CNN3: variants seen among roughly 807,000 people sequenced by gnomAD.
The protein encoded by CNN3 is calponin 3.
CNN3 carries 11 observed loss-of-function variants against 39.0 expected under a neutral mutation model. That is an observed-to-expected ratio of 0.28 (90% CI 0.18 to 0.47). CNN3 has a LOEUF of 0.47. Among genes scored for constraint, CNN3 ranks in the 20% least tolerant of loss-of-function variants. The pLI is 0.99. For synonymous variants in CNN3, 101 were observed against 138.3 expected (o/e 0.73, Z 1.89); for missense variants, 266 against 403.4 (o/e 0.66, Z 2.92).
intron 1 of CNN3, among the ~76,000 whole-genome samples, chr1:94,924,708 C>T (rs1254767948): frequency 6.6e-6 from 1 of 152,214 alleles, no homozygotes; most frequent in African/African-American, 2.4e-5. Context: ...TCAACTAAGA[C>T]ATCGCTTTTA....
At chr1:94,900,049 G>A (rs950792394) in intron 5 of CNN3, among the ~76,000 whole-genome samples, 29 of 152,180 alleles carry the variant, frequency 1.9e-4, no homozygotes, top group African/African-American at 7.0e-4. Flanking sequence ...CTTGGACAGA[G>A]CTGGAGAAAG....
chr1:94,921,343 C>T (rs555778234), intron 1 of CNN3, among the ~76,000 whole-genome samples: 3 of 151,982 alleles, frequency 2.0e-5, no homozygotes, highest in African/African-American at 4.8e-5. Flanking sequence ...TGCAGTGAGC[C>T]GAGATCGTAC....
At chr1:94,910,386 T>C (rs1557911984) in intron 1 of CNN3, among the ~76,000 whole-genome samples, 1 of 152,128 alleles carries the variant, frequency 6.6e-6, no homozygotes, top group East Asian at 1.9e-4. Context: ...CAAAAATATA[T>C]ATAAAATAGG....
At chr1:94,901,552 A>T in intron 5 of CNN3, 117 bp downstream of exon 5, 1 of 591,546 alleles carries the variant, frequency 1.7e-6, no homozygotes, top group Non-Finnish European at 2.9e-6. Context: ...TATAAACTAC[A>T]CCCCCCCCCC....
Position 94,901,662 on chromosome 1 carries a change from T to C in CNN3, c.501+7A>G, listed in dbSNP as rs932068122. 8 of 1,590,930 alleles carry C rather than the reference T, an allele frequency of 5.0e-6. No homozygotes were observed. In the Admixed American group the frequency reaches 6.7e-5, roughly 13 times the overall value. ...AGTAATTGAATAAGCAACACCACAT[T>C]ACTTACCTGCAGACCAATTACACTT... On this transcript the variant is annotated splice_region_variant and intron_variant, in intron 5 of 6. Coordinates refer to ENST00000370206, the MANE Select transcript of CNN3 (RefSeq NM_001839.5).
rs781166690 is a variant in CNN3 at position 94,903,291 on chromosome 1, G to T, written c.180-103C>A. On this transcript the variant is annotated intron_variant, in intron 2 of 6. Transcript: ENST00000370206. ...AGCATCAGTAAGGGAAAGCATTAAAGATATCTGTAGAATATCAAGGTCTGA... is the reference window on the plus strand; with the variant it reads ...AGCATCAGTAAGGGAAAGCATTAAATATATCTGTAGAATATCAAGGTCTGA... The T allele has an allele frequency of 9.0e-6, 14 of 1,548,724 alleles. No individual in the cohort carries two copies. In the Admixed American group the frequency reaches 9.5e-5, roughly 10 times the overall value.
intron 1 of CNN3, among the ~76,000 whole-genome samples, chr1:94,925,998 A>AC (rs1184488238): frequency 6.6e-6 from 1 of 151,864 alleles, no homozygotes; most frequent in East Asian, 1.9e-4. Flanking sequence ...GATAAACCTA[A>AC]CGCATTCTTG....
chr1:94,902,648 G>C (rs1326438520), intron 3 of CNN3, among the ~76,000 whole-genome samples: 2 of 152,080 alleles, frequency 1.3e-5, no homozygotes, highest in Non-Finnish European at 2.9e-5. Flanking sequence ...ATACATTTGT[G>C]GTTACTAAAT....
chr1:94,904,220 G>A lies in CNN3; in HGVS notation c.58-696C>T, dbSNP rs142873453. On this transcript the variant is annotated intron_variant, in intron 1 of 6. Coordinates refer to ENST00000370206, the MANE Select transcript of CNN3 (RefSeq NM_001839.5). ...TAAAAGAAAGTTTAACTTTTTACTT[G>A]CAGAATTCAAAAATAAAGGCCAACT... Among the ~76,000 whole-genome samples, 671 of 152,140 alleles carry A rather than the reference G, an allele frequency of 4.4e-3. 6 individuals are homozygous for A. The highest frequency in any genetic ancestry group is 0.015 in the African/African-American group (633 of 41,490).
In CNN3 at chr1:94,897,517, C is replaced by T. The variant is rs551288924; in HGVS notation, c.*225G>A. 835 of 479,756 alleles carry T rather than the reference C, an allele frequency of 1.7e-3. 2 individuals carry two copies. The highest frequency in any genetic ancestry group is 2.7e-3 in the Non-Finnish European group (727 of 270,232). 29.7% of individuals were successfully genotyped at this position (479,756 alleles called of 1,614,324 possible). On this transcript the variant is annotated 3_prime_UTR_variant, in exon 7 of 7. Coordinates refer to ENST00000370206, the MANE Select transcript of CNN3 (RefSeq NM_001839.5). ...ACAGTATTCCTTTTTACTTCATATG[C>T]GAGTTATTGATTATGCTGTAGGATT...
At chr1:94,901,580 G>A (rs859059) in intron 5 of CNN3, 89 bp downstream of exon 5, 844,354 of 846,642 alleles carry the variant, frequency 1, 421,079 homozygotes, top group South Asian at 1. Context: ...TAGTACTTCT[G>A]TCTATTCTTA....
intron 1 of CNN3, among the ~76,000 whole-genome samples, chr1:94,904,070 C>T (rs1049938540): frequency 6.6e-6 from 1 of 152,122 alleles, no homozygotes; most frequent in Non-Finnish European, 1.5e-5. Context: ...AATTACTGTA[C>T]AATATTTAAA....
At chr1:94,924,934 T>G (rs1671540174) in intron 1 of CNN3, among the ~76,000 whole-genome samples, 1 of 152,234 alleles carries the variant, frequency 6.6e-6, no homozygotes, top group Admixed American at 6.5e-5. Context: ...GGTTTGGTGC[T>G]TAAAGGGATA....
chr1:94,918,418 C>T (rs1344418195), intron 1 of CNN3, among the ~76,000 whole-genome samples: 2 of 145,514 alleles, frequency 1.4e-5, no homozygotes, highest in African/African-American at 2.6e-5. Flanking sequence ...CACTCGAACC[C>T]GAGAGGCAGA....
chr1:94,916,063 AT>A lies in CNN3; in HGVS notation c.57+10774del, dbSNP rs550380300. Among the ~76,000 whole-genome samples, 16 of 151,876 alleles carry A rather than the reference AT, an allele frequency of 1.1e-4. No homozygotes were observed. The South Asian group carries it at 3.3e-3, about 32-fold the overall frequency. On this transcript the variant is annotated intron_variant, in intron 1 of 6. Coordinates refer to ENST00000370206, the MANE Select transcript of CNN3 (RefSeq NM_001839.5). ...TACCCTGTCTTCCCTGAAATGGCAA[AT>A]TTTTAATTGAACCTGCTGCCAGCCT... is the stretch of plus-strand genomic sequence containing the variant.
At chr1:94,898,963 A>G (rs897643261) in intron 6 of CNN3, among the ~76,000 whole-genome samples, 1 of 152,102 alleles carries the variant, frequency 6.6e-6, no homozygotes, top group Non-Finnish European at 1.5e-5. Flanking sequence ...TTGCATTTCC[A>G]TCTCCTTATA....
chr1:94,916,830 G>A (rs1279981259), intron 1 of CNN3, among the ~76,000 whole-genome samples: 1 of 152,164 alleles, frequency 6.6e-6, no homozygotes, highest in Non-Finnish European at 1.5e-5. Context: ...AAGAATCAAT[G>A]AGTTAATTCA....
At chr1:94,901,834 G>A (rs1266363319) in intron 4 of CNN3, 49 bp from the exon 5 acceptor site, 3 of 1,324,894 alleles carry the variant, frequency 2.3e-6, no homozygotes, top group Non-Finnish European at 3.2e-6. Flanking sequence ...GAGTTTCACA[G>A]AAGGAACAAC....
At position 94,909,751 on chromosome 1, in the gene CNN3, A is replaced by G. The variant is rs1341400340; in HGVS notation, c.58-6227T>C. On this transcript the variant is annotated intron_variant, in intron 1 of 6. Coordinates refer to ENST00000370206, the MANE Select transcript of CNN3 (RefSeq NM_001839.5). Reference sequence around the variant, plus strand: ...GAACCCTCAGAAAGGGAGAAAGAGTAAAGGGAGACCTAGCTTCAAAAAGCA... The same window carrying G: ...GAACCCTCAGAAAGGGAGAAAGAGTGAAGGGAGACCTAGCTTCAAAAAGCA... Among the ~76,000 whole-genome samples the G allele has an allele frequency of 2.6e-5, 4 of 152,236 alleles. No individual in the cohort carries two copies. The East Asian group carries it at 7.7e-4, about 29-fold the overall frequency.
Sources: gnomAD v4.1 joint callset for allele counts (sites outside exome capture counted in the v4.1 genomes callset) on GRCh38, gnomAD v4.1.1 for gene constraint, MANE v1.5 for transcripts, NCBI Gene and HGNC (gene_info 2026-07-23, HGNC 2026-07-21) for gene names.